The following AMZ1 variants were observed in gnomAD, a reference collection of about 807,000 sequenced individuals.
AMZ1 encodes the protein archaelysin family metallopeptidase 1.
Under a neutral mutation model 29.9 loss-of-function variants are expected in AMZ1, and 39 were observed. The observed-to-expected ratio is 1.30, with a 90% confidence interval of 1.01 to 1.70. The LOEUF (loss-of-function observed/expected upper bound fraction) is 1.70, where lower values mean the gene tolerates loss of function less well. Ranked by LOEUF, AMZ1 falls within the 40% of genes most tolerant of loss-of-function variation. AMZ1 has a pLI of 0.00. For missense variants in AMZ1, 1,041 were observed against 680.6 expected (o/e 1.53, Z -5.89); for synonymous variants, 458 against 304.0 (o/e 1.51, Z -5.27).
chr7:2,730,031 G>C (rs1358753292), intron 4 of AMZ1: 1 of 152,494 alleles, frequency 6.6e-6, no homozygotes, highest in Middle Eastern at 3.4e-3. Context: ...GACTTAGGGA[G>C]AGCGGCGAAC....
At chr7:2,724,093 G>A (rs1789529900), downstream of AMZ1, among the ~76,000 whole-genome samples, 1 of 149,908 alleles carries the variant, frequency 6.7e-6, no homozygotes, top group South Asian at 2.1e-4. Flanking sequence ...TTTTAGTAGA[G>A]ATGGGGAGTG....
intron 1 of AMZ1, among the ~76,000 whole-genome samples, chr7:2,682,796 C>G (rs1284347578): frequency 6.6e-6 from 1 of 151,952 alleles, no homozygotes; most frequent in Admixed American, 6.6e-5. Context: ...TTTTCTGACC[C>G]TGCCCCACTT....
chr7:2,716,981 C>CA lies in AMZ1; in HGVS notation c.*4105dup, dbSNP rs1021228935. ...CCGCTGTTGTGCAGCTTTCTAAAAGCAAGCTGGAGCGGTCTGAGCAGGAAG... is the reference window on the plus strand; with the variant it reads ...CCGCTGTTGTGCAGCTTTCTAAAAGCAAAGCTGGAGCGGTCTGAGCAGGAAG... On this transcript the variant is annotated 3_prime_UTR_variant, in exon 7 of 7. Transcript: ENST00000683327. 1.8e-4 allele frequency among the ~76,000 whole-genome samples: 27 copies of CA among 152,334 alleles called. No homozygotes were observed. Among genetic ancestry groups the CA allele is most frequent in the Admixed American group, 1.7e-3 (26 of 15,300 alleles).
At chr7:2,725,121 A>T (rs1583194474) in intron 4 of AMZ1, among the ~76,000 whole-genome samples, 1 of 152,148 alleles carries the variant, frequency 6.6e-6, no homozygotes, top group East Asian at 1.9e-4. Flanking sequence ...CTGCGAGCGC[A>T]CCCTGTGAAT....
chr7:2,723,803 C>A (rs1342202955), downstream of AMZ1, among the ~76,000 whole-genome samples: 6 of 152,204 alleles, frequency 3.9e-5, no homozygotes. Flanking sequence ...ACCAGAGAGC[C>A]CCGGAGCTGG....
At chr7:2,703,825 C>T (rs1788197965) in intron 3 of AMZ1, among the ~76,000 whole-genome samples, 1 of 152,200 alleles carries the variant, frequency 6.6e-6, no homozygotes, top group Non-Finnish European at 1.5e-5. Flanking sequence ...TATGATCATT[C>T]ATGCTTTAGT....
chr7:2,746,181 C>A (rs1216752513), intron 4 of AMZ1, among the ~76,000 whole-genome samples: 1 of 152,180 alleles, frequency 6.6e-6, no homozygotes, highest in Non-Finnish European at 1.5e-5. Flanking sequence ...TAATAGACAT[C>A]TACGGAACTC....
rs1231071654 is a variant in AMZ1 at position 2,717,647 on chromosome 7, C to G, written c.*4769C>G. On this transcript the variant is annotated 3_prime_UTR_variant, in exon 7 of 7. Transcript: ENST00000683327. ...ACACCGCAGGGTAATCTAGGAAACA[C>G]TTCCGGCTTGACTGTAAAGAGCCCT... Among the ~76,000 whole-genome samples the G allele has an allele frequency of 6.6e-6, 1 of 152,214 alleles. No homozygotes were observed. The highest frequency in any genetic ancestry group is 1.5e-5 in the Non-Finnish European group (1 of 68,042).
intron 4 of AMZ1, among the ~76,000 whole-genome samples, chr7:2,736,199 C>T (rs974223812): frequency 2.6e-5 from 4 of 152,068 alleles, no homozygotes; most frequent in Non-Finnish European, 4.4e-5. Flanking sequence ...TGAAATTAAC[C>T]GCTTGGTGGG....
At position 2,718,611 on chromosome 7, in the gene AMZ1, G is replaced by A. The variant is rs75012182; in HGVS notation, c.*5733G>A. On this transcript the variant is annotated 3_prime_UTR_variant, in exon 7 of 7. Transcript: ENST00000683327. Reference sequence around the variant, plus strand: ...GCAGTGTGGGGTCCAGTCTGAAGCCGACGCCCCTCTCGGTCAGGCTTTCAG... The same window carrying A: ...GCAGTGTGGGGTCCAGTCTGAAGCCAACGCCCCTCTCGGTCAGGCTTTCAG... 0.012 allele frequency among the ~76,000 whole-genome samples: 1,788 copies of A among 152,354 alleles called. 39 individuals carry two copies. The highest frequency in any genetic ancestry group is 0.04 in the African/African-American group (1,676 of 41,576).
chr7:2,753,144 C>G (rs184701431), intron 4 of AMZ1, among the ~76,000 whole-genome samples: 1 of 150,574 alleles, frequency 6.6e-6, no homozygotes, highest in Non-Finnish European at 1.5e-5. Context: ...TGAAACCATA[C>G]AGCATGCGGC....
chr7:2,721,200 C>T (rs1316905592), downstream of AMZ1, among the ~76,000 whole-genome samples: 1 of 152,148 alleles, frequency 6.6e-6, no homozygotes, highest in African/African-American at 2.4e-5. Flanking sequence ...ATGGAAAGGC[C>T]AGGGGAGGGT....
At chr7:2,735,347 A>C (rs554935590) in intron 4 of AMZ1, among the ~76,000 whole-genome samples, 8 of 152,202 alleles carry the variant, frequency 5.3e-5, no homozygotes, top group African/African-American at 1.9e-4. Context: ...GCACGAAGGA[A>C]GCAGAGGCAG....
chr7:2,744,286 C>G (rs939569067), intron 4 of AMZ1, among the ~76,000 whole-genome samples: 2 of 152,210 alleles, frequency 1.3e-5, no homozygotes, highest in African/African-American at 4.8e-5. Flanking sequence ...GGCGGACTGA[C>G]ACCTCACACG....
At position 2,718,743 on chromosome 7, in the gene AMZ1, G is replaced by C. The variant is rs910857850; in HGVS notation, c.*5865G>C. Among the ~76,000 whole-genome samples the C allele has an allele frequency of 6.6e-6, 1 of 152,182 alleles. No individual in the cohort carries two copies. The highest frequency in any genetic ancestry group is 6.5e-5 in the Admixed American group (1 of 15,278). On this transcript the variant is annotated 3_prime_UTR_variant, in exon 7 of 7. Transcript: ENST00000683327. Reference sequence around the variant, plus strand: ...GGCTTGTGCAGCCGGGCTTGGTCTTGTGGTCAGGGAGAAGCGGGCAGGCCA... The same window carrying C: ...GGCTTGTGCAGCCGGGCTTGGTCTTCTGGTCAGGGAGAAGCGGGCAGGCCA...
chr7:2,708,571 T>A lies in AMZ1; in HGVS notation c.473-17T>A. 6.2e-7 allele frequency: 1 copy of A among 1,611,432 alleles called. No individual in the cohort carries two copies. The highest frequency in any genetic ancestry group is 8.5e-7 in the Non-Finnish European group (1 of 1,179,800). ...CCGGCTGCCTCCTGACCCCATCCTC[T>A]GGCCCTCTCCCCGCAGACGGCATCC... is the stretch of plus-strand genomic sequence containing the variant. On this transcript the variant is annotated splice_polypyrimidine_tract_variant and intron_variant, in intron 3 of 6. Coordinates refer to ENST00000683327, the MANE Select transcript of AMZ1 (RefSeq NM_001384743.1).
rs147945428 is a variant in AMZ1, at chr7:2,712,396, G to A, written c.1015G>A (p.Val339Met). The A allele has an allele frequency of 6.2e-7, 1 of 1,611,154 alleles. No individual in the cohort carries two copies. Among genetic ancestry groups the A allele is most frequent in the Non-Finnish European group, 8.5e-7 (1 of 1,179,286 alleles). The change falls in exon 7 of 7, where the codon GTG becomes ATG. Residue 339 changes from valine to methionine, a missense_variant. Coordinates refer to ENST00000683327, the MANE Select transcript of AMZ1 (RefSeq NM_001384743.1). ...WPSQEAGEPSVWEDTPPASAD... is the reference protein window; with the variant it reads ...WPSQEAGEPSMWEDTPPASAD... Reference sequence around the variant, plus strand: ...CAGCCAGGAGGCGGGGGAGCCGTCAGTGTGGGAGGACACCCCGCCTGCCAG... The same window carrying A: ...CAGCCAGGAGGCGGGGGAGCCGTCAATGTGGGAGGACACCCCGCCTGCCAG...
intron 1 of AMZ1, among the ~76,000 whole-genome samples, chr7:2,680,830 A>G (rs1188564961): frequency 6.6e-6 from 1 of 152,002 alleles, no homozygotes; most frequent in Non-Finnish European, 1.5e-5. Flanking sequence ...CTCCCTGACG[A>G]CCCTGCTGGT....
In AMZ1 at chr7:2,709,758, C is replaced by G; in HGVS notation, c.890C>G (p.Pro297Arg). Residue 297 changes from proline (P) to arginine (R), a missense_variant, in exon 6 of 7, where the codon CCC (proline) becomes CGC (arginine). Coordinates refer to ENST00000683327, the MANE Select transcript of AMZ1 (RefSeq NM_001384743.1). ...CTGCGGCGGCCCCTGGACCTCTGTC[C>G]CATCTGCCTGAGGAAGCTGCAGCAT... ...EALRRPLDLC[P>R]ICLRKLQHVL... 6.2e-7 allele frequency: 1 copy of G among 1,611,914 alleles called. No individual in the cohort carries two copies. The highest frequency in any genetic ancestry group is 8.5e-7 in the Non-Finnish European group (1 of 1,179,882).
Sources: gnomAD v4.1 joint callset for allele counts (sites outside exome capture counted in the v4.1 genomes callset) on GRCh38, gnomAD v4.1.1 for gene constraint, MANE v1.5 for transcripts, NCBI Gene and HGNC (gene_info 2026-07-23, HGNC 2026-07-21) for gene names.